The following DMXL2 variants were observed in gnomAD, a reference collection of about 807,000 sequenced individuals.
DMXL2 encodes Dmx like 2, also known as dmX-like protein 2.
A neutral mutation model predicts 331.1 loss-of-function variants in DMXL2; 103 were observed. The ratio of observed to expected loss-of-function variants is 0.31; its 90% confidence interval spans 0.27 to 0.37. DMXL2 has a LOEUF of 0.37. Among genes scored for constraint, DMXL2 ranks in the 10% least tolerant of loss-of-function variants. The pLI is 1.00. For missense variants in DMXL2, 3,171 were observed against 3,642.9 expected (o/e 0.87, Z 3.33); for synonymous variants, 1,281 against 1,252.1 (o/e 1.02, Z -0.49).
At chr15:51,547,136 T>G in intron 7 of DMXL2, 94 bp downstream of exon 7, 1 of 1,139,402 alleles carries the variant, frequency 8.8e-7, no homozygotes. Flanking sequence ...CCTATGCTAT[T>G]AATTGCCACC....
chr15:51,551,115 A>C (rs1388567084), intron 6 of DMXL2, among the ~76,000 whole-genome samples: 1 of 152,052 alleles, frequency 6.6e-6, no homozygotes, highest in Non-Finnish European at 1.5e-5. Flanking sequence ...TTGTACCAAA[A>C]AAAAAAAAAC....
chr15:51,581,283 T>A (rs897986769), intron 1 of DMXL2, among the ~76,000 whole-genome samples: 4 of 152,176 alleles, frequency 2.6e-5, no homozygotes, highest in Admixed American at 2.6e-4. Flanking sequence ...ATGATAAACA[T>A]AATGTGCTTG....
intron 1 of DMXL2, among the ~76,000 whole-genome samples, chr15:51,598,319 T>A (rs1474991850): frequency 6.6e-6 from 1 of 152,222 alleles, no homozygotes; most frequent in Non-Finnish European, 1.5e-5. Flanking sequence ...ATACATATAT[T>A]TTTTTCTGGA....
intron 6 of DMXL2, among the ~76,000 whole-genome samples, chr15:51,553,559 C>T (rs1055637318): frequency 7.2e-5 from 11 of 152,156 alleles, no homozygotes; most frequent in African/African-American, 1.9e-4. Flanking sequence ...TCCACTTACA[C>T]GTGAATTTTC....
intron 1 of DMXL2, among the ~76,000 whole-genome samples, chr15:51,576,660 A>G (rs2051068806): frequency 6.6e-6 from 1 of 152,178 alleles, no homozygotes; most frequent in Non-Finnish European, 1.5e-5. Flanking sequence ...AGTTAAATAA[A>G]CATGAACAAC....
At chr15:51,621,935 G>C (rs2054657348) in intron 1 of DMXL2, among the ~76,000 whole-genome samples, 1 of 152,290 alleles carries the variant, frequency 6.6e-6, no homozygotes, top group East Asian at 1.9e-4. Flanking sequence ...AGGAGATACA[G>C]AGTCAGGCTT....
chr15:51,618,500 A>G (rs1391393754), intron 1 of DMXL2, among the ~76,000 whole-genome samples: 2 of 152,060 alleles, frequency 1.3e-5, no homozygotes, highest in Admixed American at 6.6e-5. Context: ...ATTATTTTCT[A>G]ATTTTTAAAT....
chr15:51,520,840 G>A (rs1216794311), intron 13 of DMXL2, among the ~76,000 whole-genome samples: 1 of 152,232 alleles, frequency 6.6e-6, no homozygotes, highest in South Asian at 2.1e-4. Flanking sequence ...CTGGATGACA[G>A]AGCAAGATTC....
At chr15:51,477,200 C>T (rs1423327661) in intron 26 of DMXL2, among the ~76,000 whole-genome samples, 1 of 151,924 alleles carries the variant, frequency 6.6e-6, no homozygotes, top group Non-Finnish European at 1.5e-5. Context: ...AAACCTAAAA[C>T]CAAATGTCCC....
chr15:51,612,503 G>T (rs576326886), intron 1 of DMXL2, among the ~76,000 whole-genome samples: 1 of 152,062 alleles, frequency 6.6e-6, no homozygotes, highest in Non-Finnish European at 1.5e-5. Flanking sequence ...CTGGGTGTCC[G>T]GGGGAGACAT....
At position 51,499,479 on chromosome 15, in the gene DMXL2, G is replaced by T; in HGVS notation, c.3745C>A (p.Pro1249Thr). 1 of 1,613,974 alleles carries T rather than the reference G, an allele frequency of 6.2e-7. No individual in the cohort carries two copies. The highest frequency in any genetic ancestry group is 1.3e-5 in the African/African-American group (1 of 75,012). The change falls in exon 18 of 44, where the codon CCT (proline) becomes ACT (threonine). Residue 1249 changes from proline to threonine, a missense_variant. By Grantham distance (38) the Pro-to-Thr change is conservative. Transcript: ENST00000560891. Reference sequence around the variant, plus strand: ...TCTCTTACCCAAGAGAGAGAAACAGGCAGTGAAGGAGTACCATCAACAGAA... The same window carrying T: ...TCTCTTACCCAAGAGAGAGAAACAGTCAGTGAAGGAGTACCATCAACAGAA... ...VSSVDGTPSL[P>T]VSLSWVRDGI...
In DMXL2 at chr15:51,498,703, G is replaced by A; in HGVS notation, c.4521C>T (p.Gly1507=). Residue 1507 remains glycine (G), a synonymous_variant, in exon 18 of 44, where the codon GGC becomes GGT. Transcript: ENST00000560891. ...NLSQYGPAYF[G]QEHARVLSSH... is the part of the protein sequence containing the mutation. The stretch of plus-strand genomic sequence containing the variant: ...TTGAAAGTACCCTTGCATGTTCTTG[G>A]CCAAAGTAAGCTGGTCCATATTGAG... The A allele has an allele frequency of 6.2e-7, 1 of 1,614,098 alleles. No individual in the cohort carries two copies.
At chr15:51,573,484 G>A (rs549095190) in intron 2 of DMXL2, among the ~76,000 whole-genome samples, 19 of 152,238 alleles carry the variant, frequency 1.2e-4, no homozygotes, top group African/African-American at 4.6e-4. Flanking sequence ...AAGAAAATGT[G>A]GCACATATAC....
chr15:51,511,424 C>A (rs2046749101), intron 15 of DMXL2, among the ~76,000 whole-genome samples: 5 of 152,156 alleles, frequency 3.3e-5, no homozygotes, highest in South Asian at 2.1e-4. Context: ...ATGTGGCCAA[C>A]AAACATATGA....
Position 51,507,169 on chromosome 15 carries a change from C to A in DMXL2, c.2729G>T (p.Trp910Leu). 6.2e-7 allele frequency: 1 copy of A among 1,609,920 alleles called. No homozygotes were observed. Among genetic ancestry groups the A allele is most frequent in the Non-Finnish European group, 8.5e-7 (1 of 1,177,814 alleles). ...DSNNNSILHM[W>L]HLHLKSVQAC... Reference sequence around the variant, plus strand: ...TTGTACAGATTTAAGATGAAGGTGCCACATATGCAGAATAGAGTTATTATT... The same window carrying A: ...TTGTACAGATTTAAGATGAAGGTGCAACATATGCAGAATAGAGTTATTATT... The change falls in exon 16 of 44, where the codon TGG becomes TTG. Residue 910 changes from tryptophan to leucine, a missense_variant. Trp to Leu is a moderately conservative substitution (Grantham distance 61). Around this residue, in one of 7 missense-constraint regions of DMXL2, gnomAD observed 1,674 missense variants for 1,780.2 expected, o/e 0.94. Transcript: ENST00000560891.
Position 51,458,480 on chromosome 15 carries a change from T to C in DMXL2, c.8198+26A>G, listed in dbSNP as rs763164720. 18 of 1,606,650 alleles carry C rather than the reference T, an allele frequency of 1.1e-5. No individual in the cohort carries two copies. In the South Asian group the frequency reaches 1.8e-4, roughly 16 times the overall value. On this transcript the variant is annotated intron_variant, in intron 36 of 43. Transcript: ENST00000560891. Reference sequence around the variant, plus strand: ...GGTGGGTACTTCTTACAGAAAACTATATGTAAAAGTGACTATGAGACAAAC... The same window carrying C: ...GGTGGGTACTTCTTACAGAAAACTACATGTAAAAGTGACTATGAGACAAAC...
Position 51,481,079 on chromosome 15 carries a change from T to C in DMXL2, c.6027A>G (p.Gln2009=). 6.2e-7 allele frequency: 1 copy of C among 1,613,700 alleles called. No individual in the cohort carries two copies. The highest frequency in any genetic ancestry group is 1.1e-5 in the South Asian group (1 of 91,054). ...KSTDAREKDK[Q]SDQKASDPNM... ...TAGGGTCTGAGGCCTTCTGATCTGATTGTTTATCTTTTTCCCTGGCATCTG... is the reference window on the plus strand; with the variant it reads ...TAGGGTCTGAGGCCTTCTGATCTGACTGTTTATCTTTTTCCCTGGCATCTG... Residue 2009 remains glutamine (Q), a synonymous_variant, in exon 24 of 44, where the codon CAA becomes CAG. Transcript: ENST00000560891.
Position 51,600,203 on chromosome 15 carries a change from G to A in DMXL2, c.87+22256C>T, listed in dbSNP as rs569426413. ...TCAGTCACCCTTGACACAGTTTTTA[G>A]TTCTCCATTTCCTCCCAGGTCCTCA... On this transcript the variant is annotated intron_variant, in intron 1 of 43. Transcript: ENST00000560891. Among the ~76,000 whole-genome samples the A allele has an allele frequency of 5.9e-5, 9 of 152,256 alleles. No homozygotes were observed. In the South Asian group the frequency reaches 1.4e-3, roughly 25 times the overall value.
At chr15:51,530,547 C>T (rs1375483138) in intron 13 of DMXL2, among the ~76,000 whole-genome samples, 5 of 149,972 alleles carry the variant, frequency 3.3e-5, no homozygotes, top group East Asian at 1.9e-4. Flanking sequence ...GTCAGGAGAT[C>T]GAGACCATCC....
Sources: gnomAD v4.1 joint callset for allele counts (sites outside exome capture counted in the v4.1 genomes callset) on GRCh38, gnomAD v4.1.1 for gene constraint, gnomAD v4.1.1 regional missense constraint, MANE v1.5 for transcripts, NCBI Gene and HGNC (gene_info 2026-07-23, HGNC 2026-07-21) for gene names.